Variants in NELL1 observed in about 807,000 individuals in gnomAD.
The protein encoded by NELL1 is neural EGFL like 1.
In NELL1, 76 loss-of-function variants were observed where a neutral mutation model predicts 107.4. That is an observed-to-expected ratio of 0.71 (90% CI 0.59 to 0.86). NELL1 has a LOEUF of 0.86. NELL1 is among the 40% of genes least tolerant of loss of function. The probability of loss-of-function intolerance (pLI) is 0.00; values close to 1 mark genes in which losing one functional copy is unlikely to be tolerated. For missense variants in NELL1, 1,024 were observed against 1,005.5 expected, an observed-to-expected ratio of 1.02 and a Z score of -0.25; for synonymous variants, 353 against 341.2, an observed-to-expected ratio of 1.03 and a Z score of -0.38.
At chr11:20,728,554 T>G (rs1432118179) in intron 2 of NELL1, among the ~76,000 whole-genome samples, 1 of 152,036 alleles carries the variant, frequency 6.6e-6, no homozygotes, top group Non-Finnish European at 1.5e-5. Flanking sequence ...CATCATTTAT[T>G]GAATAGGAAA....
chr11:20,675,551 C>T lies in NELL1; in HGVS notation c.56-2381C>T, dbSNP rs74936574. Among the ~76,000 whole-genome samples the T allele has an allele frequency of 9.8e-3, 1,494 of 152,244 alleles. 16 individuals carry two copies. Among genetic ancestry groups the T allele is most frequent in the Middle Eastern group, 0.037 (11 of 294 alleles). ...CGACAGGGGTGCTTCCTTCTTCTTG[C>T]GTCTGGTGAAGGGCACGTTCCCCAG... On this transcript the variant is annotated intron_variant, in intron 1 of 19. Transcript: ENST00000357134.
chr11:21,074,854 C>G (rs1388894085), intron 12 of NELL1, among the ~76,000 whole-genome samples: 2 of 152,220 alleles, frequency 1.3e-5, no homozygotes, highest in Non-Finnish European at 1.5e-5. Context: ...ACAAAGAGAT[C>G]TGATTTTCAG....
At chr11:20,823,022 T>G (rs1857794652) in intron 3 of NELL1, among the ~76,000 whole-genome samples, 1 of 140,578 alleles carries the variant, frequency 7.1e-6, no homozygotes, top group Non-Finnish European at 1.7e-5. Context: ...GGGTCATAAA[T>G]GAACCATGAA....
At chr11:21,352,259 G>T (rs921982930) in intron 14 of NELL1, among the ~76,000 whole-genome samples, 2 of 151,942 alleles carry the variant, frequency 1.3e-5, no homozygotes, top group African/African-American at 4.8e-5. Context: ...CTATAATTTG[G>T]ATTATTGTGT....
intron 14 of NELL1, among the ~76,000 whole-genome samples, chr11:21,268,895 A>G (rs1402649844): frequency 6.6e-6 from 1 of 152,182 alleles, no homozygotes; most frequent in African/African-American, 2.4e-5. Context: ...AAGGATTCTA[A>G]TGGATAAAGT....
intron 14 of NELL1, among the ~76,000 whole-genome samples, chr11:21,346,630 A>T (rs1221297140): frequency 6.8e-6 from 1 of 148,120 alleles, no homozygotes; most frequent in Non-Finnish European, 1.5e-5. Context: ...TGTATCAAAT[A>T]TATATTAATT....
chr11:21,195,193 G>A (rs1339980480), intron 13 of NELL1, among the ~76,000 whole-genome samples: 1 of 152,236 alleles, frequency 6.6e-6, no homozygotes, highest in African/African-American at 2.4e-5. Flanking sequence ...ACATGCTTAA[G>A]AAATTATTGC....
intron 13 of NELL1, among the ~76,000 whole-genome samples, chr11:21,211,918 T>TG (rs1229428052): frequency 6.6e-6 from 1 of 152,124 alleles, no homozygotes; most frequent in African/African-American, 2.4e-5. Flanking sequence ...CTCTGCCTCC[T>TG]GGGTTCAAAT....
intron 14 of NELL1, among the ~76,000 whole-genome samples, chr11:21,272,613 G>A (rs1848764165): frequency 6.6e-6 from 1 of 152,204 alleles, no homozygotes; most frequent in Non-Finnish European, 1.5e-5. Flanking sequence ...TCCTCAAGTG[G>A]GTCTCTGACA....
chr11:21,470,297 C>T (rs943130275), intron 15 of NELL1, among the ~76,000 whole-genome samples: 9 of 151,980 alleles, frequency 5.9e-5, no homozygotes, highest in Non-Finnish European at 1.0e-4. Flanking sequence ...TGCTTAGACT[C>T]GAGAGAGCAA....
intron 2 of NELL1, among the ~76,000 whole-genome samples, chr11:20,684,419 C>T (rs902978168): frequency 6.6e-6 from 1 of 151,962 alleles, no homozygotes; most frequent in African/African-American, 2.4e-5. Context: ...TTTTTTACCT[C>T]ATATATTGTA....
intron 15 of NELL1, among the ~76,000 whole-genome samples, chr11:21,417,040 CA>C (rs1014316092): frequency 2.6e-5 from 4 of 151,894 alleles, no homozygotes; most frequent in African/African-American, 9.7e-5. Context: ...AGTGGGGACA[CA>C]AACCAAGGCA....
intron 15 of NELL1, chr11:21,504,159 A>G (rs1235754025): frequency 6.6e-6 from 1 of 152,248 alleles, no homozygotes; most frequent in African/African-American, 2.4e-5. Context: ...GCTTACTGCA[A>G]CAGACTGGCA....
chr11:20,795,114 A>G (rs1359071561), intron 3 of NELL1, among the ~76,000 whole-genome samples: 1 of 152,212 alleles, frequency 6.6e-6, no homozygotes, highest in Non-Finnish European at 1.5e-5. Context: ...AAAGGCAGAC[A>G]TCTCTCTCAC....
intron 2 of NELL1, among the ~76,000 whole-genome samples, chr11:20,700,052 T>TA: frequency 2.0e-5 from 3 of 152,182 alleles, no homozygotes; most frequent in Admixed American, 1.3e-4. Flanking sequence ...ACTTTTTTTT[T>TA]ATAAAATGAT....
chr11:21,114,528 A>G (rs1443630392), intron 13 of NELL1, among the ~76,000 whole-genome samples: 1 of 152,022 alleles, frequency 6.6e-6, no homozygotes, highest in Non-Finnish European at 1.5e-5. Context: ...TTCTTTACTC[A>G]GAATATAATA....
intron 14 of NELL1, among the ~76,000 whole-genome samples, chr11:21,335,788 C>G (rs934519995): frequency 3.5e-4 from 54 of 152,192 alleles, no homozygotes; most frequent in African/African-American, 1.2e-3. Context: ...CCAAGTACAT[C>G]TTAATGGATG....
At chr11:20,726,294 T>C (rs1855507006) in intron 2 of NELL1, among the ~76,000 whole-genome samples, 1 of 152,194 alleles carries the variant, frequency 6.6e-6, no homozygotes, top group Admixed American at 6.5e-5. Flanking sequence ...AGTTTTTTTA[T>C]TAAAAATATT....
At chr11:21,365,086 G>A (rs930697136) in intron 14 of NELL1, among the ~76,000 whole-genome samples, 3 of 152,090 alleles carry the variant, frequency 2.0e-5, no homozygotes, top group African/African-American at 7.2e-5. Flanking sequence ...TCAGTCCACC[G>A]GGCATAGTTA....
Sources: gnomAD v4.1 joint callset for allele counts (sites outside exome capture counted in the v4.1 genomes callset) on GRCh38, gnomAD v4.1.1 for gene constraint, MANE v1.5 for transcripts, NCBI Gene and HGNC (gene_info 2026-07-23, HGNC 2026-07-21) for gene names.